The following NRDC variants were observed in gnomAD, a reference collection of about 807,000 sequenced individuals.
The protein encoded by NRDC is nardilysin.
A neutral mutation model predicts 147.1 loss-of-function variants in NRDC; 54 were observed. The ratio of observed to expected loss-of-function variants is 0.37; its 90% CI spans 0.29 to 0.46. NRDC has a LOEUF of 0.46. Ranked by LOEUF, NRDC falls within the 20% of genes least tolerant of loss-of-function variation. NRDC has a pLI of 1.00. For missense variants in NRDC, 1,082 were observed against 1,370.6 expected (o/e 0.79, Z 3.33); for synonymous variants, 440 against 482.1 (o/e 0.91, Z 1.14).
rs752627398 is a variant in NRDC, at chr1:51,803,928, C to T, written c.2199G>A (p.Thr733=). The T allele has an allele frequency of 1.7e-5, 28 of 1,611,668 alleles. No individual in the cohort carries two copies. Among genetic ancestry groups the T allele is most frequent in the African/African-American group, 2.7e-5 (2 of 74,928 alleles). The change falls in exon 20 of 31, where the codon ACG becomes ACA. Residue 733 remains threonine (T), a synonymous_variant. Transcript: ENST00000352171. ...CATAAGCTGGTTCCGCAAGGTTATG[C>T]GTAAGGATATTGACAAAGATATCAA... ...VLFDIFVNIL[T]HNLAEPAYEA...
intron 11 of NRDC, among the ~76,000 whole-genome samples, chr1:51,815,661 G>A (rs1679936898): frequency 6.6e-6 from 1 of 151,700 alleles, no homozygotes; most frequent in Admixed American, 6.5e-5. Flanking sequence ...TTCTTTGAAT[G>A]TTCTAGTACA....
intron 15 of NRDC, among the ~76,000 whole-genome samples, chr1:51,811,463 G>A (rs906862789): frequency 6.6e-6 from 1 of 152,140 alleles, no homozygotes; most frequent in Non-Finnish European, 1.5e-5. Flanking sequence ...GTCACCTCTG[G>A]TTGACGCGCG....
At chr1:51,850,802 C>T (rs1314712738) in intron 1 of NRDC, among the ~76,000 whole-genome samples, 1 of 152,176 alleles carries the variant, frequency 6.6e-6, no homozygotes, top group East Asian at 1.9e-4. Flanking sequence ...AAACTGTTAC[C>T]TGCAAATCAT....
intron 1 of NRDC, among the ~76,000 whole-genome samples, chr1:51,870,373 ATAGATT>A (rs1429908319): frequency 5.9e-5 from 9 of 152,290 alleles, no homozygotes; most frequent in Non-Finnish European, 1.0e-4. Flanking sequence ...TCCACATCCT[ATAGATT>A]TAAACTACTG....
intron 1 of NRDC, among the ~76,000 whole-genome samples, chr1:51,875,666 TC>T (rs1178467164): frequency 6.6e-6 from 1 of 152,162 alleles, no homozygotes; most frequent in Non-Finnish European, 1.5e-5. Flanking sequence ...TAAGGAATCT[TC>T]CTACCTCAGC....
At chr1:51,863,030 A>AAAC (rs1339747349) in intron 1 of NRDC, among the ~76,000 whole-genome samples, 2 of 150,316 alleles carry the variant, frequency 1.3e-5, no homozygotes, top group African/African-American at 2.4e-5. Context: ...AAAAAAAAAA[A>AAAC]AAAAAAAACA....
At chr1:51,815,902 T>C (rs1174659710) in intron 11 of NRDC, 1 of 152,650 alleles carries the variant, frequency 6.6e-6, no homozygotes, top group Non-Finnish European at 1.5e-5. Flanking sequence ...TTAACTATGA[T>C]TTACCTACCC....
At chr1:51,819,255 G>C (rs1680107775) in intron 9 of NRDC, among the ~76,000 whole-genome samples, 1 of 151,164 alleles carries the variant, frequency 6.6e-6, no homozygotes, top group Non-Finnish European at 1.5e-5. Context: ...CTGAGATCAT[G>C]CCATTGTACT....
rs548239368 is a variant in NRDC, at chr1:51,803,407, G to A, written c.2313+407C>T. ...TGAGAACTGATTGAACCCGGGAGGC[G>A]GAGGTTGCAGTGAACCAAGATCACA... On this transcript the variant is annotated intron_variant, in intron 20 of 30. Transcript: ENST00000352171. 8.9e-4 allele frequency among the ~76,000 whole-genome samples: 135 copies of A among 151,998 alleles called. 1 individual carries two copies. The highest frequency in any genetic ancestry group is 1.4e-3 in the Admixed American group (21 of 15,264).
intron 2 of NRDC, among the ~76,000 whole-genome samples, chr1:51,837,245 ATTGTTTTAATAAAC>A (rs2149220526): frequency 6.6e-6 from 1 of 152,336 alleles, no homozygotes; most frequent in African/African-American, 2.4e-5. Flanking sequence ...GGTGAAACAG[ATTGTTTTAATAAAC>A]AGTTACCTCT....
At chr1:51,842,657 A>T (rs1203302518) in intron 1 of NRDC, among the ~76,000 whole-genome samples, 1 of 152,262 alleles carries the variant, frequency 6.6e-6, no homozygotes, top group African/African-American at 2.4e-5. Context: ...ATCACAAAAA[A>T]ATACTATATG....
intron 17 of NRDC, 109 bp from the exon 18 acceptor site, chr1:51,807,022 C>A (rs1027273248): frequency 3.0e-6 from 4 of 1,347,470 alleles, no homozygotes; most frequent in South Asian, 3.0e-5. Context: ...CAAAAATAAG[C>A]CAAATTCAAA....
chr1:51,811,177 C>T (rs1242168280), intron 15 of NRDC, among the ~76,000 whole-genome samples: 1 of 152,168 alleles, frequency 6.6e-6, no homozygotes, highest in Non-Finnish European at 1.5e-5. Context: ...GTGGTTGTTC[C>T]TTCCTCCTTT....
chr1:51,824,934 T>C (rs1047354111), intron 6 of NRDC, among the ~76,000 whole-genome samples: 2 of 152,194 alleles, frequency 1.3e-5, no homozygotes, highest in African/African-American at 4.8e-5. Flanking sequence ...ATTACAGGTG[T>C]GAACCACCAC....
chr1:51,849,567 G>T (rs1219162308), intron 1 of NRDC, among the ~76,000 whole-genome samples: 1 of 151,254 alleles, frequency 6.6e-6, no homozygotes, highest in South Asian at 2.1e-4. Flanking sequence ...CTGTAATCCC[G>T]GCACTTTGGA....
At chr1:51,847,833 G>C (rs1479438214) in intron 1 of NRDC, among the ~76,000 whole-genome samples, 1 of 152,246 alleles carries the variant, frequency 6.6e-6, no homozygotes, top group African/African-American at 2.4e-5. Flanking sequence ...GCGGCGGCCT[G>C]AAGAGCCCCT....
chr1:51,806,939 C>A, intron 17 of NRDC, 26 bp from the exon 18 acceptor site: 1 of 1,606,146 alleles, frequency 6.2e-7, no homozygotes, highest in Non-Finnish European at 8.5e-7. Context: ...AATAATAATT[C>A]ACTCAAGTAT....
At chr1:51,811,043 G>A (rs1679691849) in intron 15 of NRDC, among the ~76,000 whole-genome samples, 1 of 152,070 alleles carries the variant, frequency 6.6e-6, no homozygotes, top group South Asian at 2.1e-4. Flanking sequence ...TTGTGGCTTG[G>A]TTTGGAGCCC....
In NRDC at chr1:51,840,262, C is replaced by T. The variant is rs1157727257; in HGVS notation, c.594G>A (p.Glu198=). Residue 198 remains glutamate, a synonymous_variant, in exon 2 of 31, where the codon GAG becomes GAA. Transcript: ENST00000352171. ...TAGTTTTTTTTCTAGCTTCTGCTCTCTCTTCTAATTCTTCCAATTCATTAT... is the reference window on the plus strand; with the variant it reads ...TAGTTTTTTTTCTAGCTTCTGCTCTTTCTTCTAATTCTTCCAATTCATTAT... ...TEDNELEELE[E]RAEARKKTTE... is the part of the protein sequence containing the mutation. The T allele has an allele frequency of 3.1e-5, 50 of 1,606,922 alleles. No homozygotes were observed. The Admixed American group carries it at 5.6e-4, about 18-fold the overall frequency.
Sources: allele counts gnomAD v4.1 joint callset (sites outside exome capture counted in the v4.1 genomes callset), GRCh38; gene constraint gnomAD v4.1.1; transcripts MANE v1.5; gene names NCBI Gene and HGNC (gene_info 2026-07-23, HGNC 2026-07-21).